The following SVIL variants were observed in gnomAD, a reference collection of about 807,000 sequenced individuals.
The protein encoded by SVIL is supervillin, also known as archvillin.
SVIL carries 101 observed loss-of-function variants against 240.4 expected under a neutral mutation model. The ratio of observed to expected loss-of-function variants is 0.42; its 90% confidence interval spans 0.36 to 0.50. The LOEUF is 0.50. SVIL is among the 20% of genes least tolerant of loss of function. SVIL has a pLI of 0.01. For missense variants in SVIL, 2,512 were observed against 2,818.7 expected, an observed-to-expected ratio of 0.89 and a Z score of 2.46; for synonymous variants, 999 against 1,100.0, an observed-to-expected ratio of 0.91 and a Z score of 1.82.
chr10:29,730,926 T>C (rs1032925791), intron 1 of SVIL, among the ~76,000 whole-genome samples: 7 of 152,184 alleles, frequency 4.6e-5, no homozygotes, highest in African/African-American at 1.2e-4. Context: ...GGCAAGATGT[T>C]TTGGGGTGCT....
Position 29,458,066 on chromosome 10 carries a change from C to T in SVIL, c.*181G>A, listed in dbSNP as rs1943759865. ...GGTGGAAAGAAGTTTCCAAACAGTT[C>T]CCTTGAACATTTACAAAATACACAA... On this transcript the variant is annotated 3_prime_UTR_variant, in exon 38 of 38. Coordinates refer to ENST00000355867, the MANE Select transcript of SVIL (RefSeq NM_021738.3). 1 of 618,098 alleles carries T rather than the reference C, an allele frequency of 1.6e-6. No individual in the cohort carries two copies. Among genetic ancestry groups the T allele is most frequent in the African/African-American group, 1.9e-5 (1 of 53,528 alleles). The allele number at this position is 618,098 out of a possible 1,614,324, so 38.3% of individuals were successfully genotyped here.
intron 17 of SVIL, among the ~76,000 whole-genome samples, chr10:29,505,590 G>T (rs1394253059): frequency 1.3e-5 from 2 of 152,150 alleles, no homozygotes; most frequent in Non-Finnish European, 2.9e-5. Context: ...GTATGATAGT[G>T]TAACGGTGGA....
At chr10:29,608,316 G>A (rs1247424) in intron 1 of SVIL, among the ~76,000 whole-genome samples, 63,670 of 152,158 alleles carry the variant, frequency 0.42, 13,487 homozygotes, top group African/African-American at 0.46. Flanking sequence ...AACTGTTGAC[G>A]GCAGCAGTGG....
At chr10:29,506,071 A>G (rs1265770749) in intron 17 of SVIL, among the ~76,000 whole-genome samples, 1 of 152,148 alleles carries the variant, frequency 6.6e-6, no homozygotes, top group South Asian at 2.1e-4. Context: ...TTGGTTTTTA[A>G]TTTTTTAACT....
rs200819225 is a variant in SVIL, at chr10:29,522,452, C to T, written c.3347G>A (p.Gly1116Asp). ...GGTTTTGCTGGGTGAGTCAAGAAGGCCCTCCCCTGTCGGCGTTTTGATCTC... is the reference window on the plus strand; with the variant it reads ...GGTTTTGCTGGGTGAGTCAAGAAGGTCCTCCCCTGTCGGCGTTTTGATCTC... ...AGEIKTPTGE[G>D]LLDSPSKTMS... Residue 1116 changes from glycine to aspartate, a missense_variant, in exon 16 of 38, where the codon GGC (glycine) becomes GAC (aspartate). Transcript: ENST00000355867. 3.3e-5 allele frequency: 54 copies of T among 1,614,030 alleles called. No homozygotes were observed. The highest frequency in any genetic ancestry group is 3.3e-4 in the Middle Eastern group (2 of 6,084).
At chr10:29,646,934 C>T (rs1473691225) in intron 3 of SVIL, among the ~76,000 whole-genome samples, 6 of 152,124 alleles carry the variant, frequency 3.9e-5, no homozygotes, top group Non-Finnish European at 8.8e-5. Context: ...AGCAAGATTG[C>T]GTCTTAAAAA....
chr10:29,497,618 A>C (rs1177554294), intron 18 of SVIL, among the ~76,000 whole-genome samples: 1 of 152,216 alleles, frequency 6.6e-6, no homozygotes, highest in Non-Finnish European at 1.5e-5. Context: ...GACATATTTT[A>C]GACATCTATT....
intron 16 of SVIL, among the ~76,000 whole-genome samples, chr10:29,516,446 C>T (rs555211214): frequency 3.4e-4 from 52 of 152,316 alleles, no homozygotes; most frequent in Middle Eastern, 3.4e-3. Flanking sequence ...GTGTCCACCA[C>T]GCTGAGGAGG....
intron 18 of SVIL, among the ~76,000 whole-genome samples, chr10:29,497,446 G>C (rs1214668159): frequency 3.9e-5 from 6 of 152,158 alleles, no homozygotes; most frequent in Admixed American, 6.5e-5. Context: ...ATGAAATAAA[G>C]CCCCAAACAC....
rs577706497 is a variant in SVIL, at chr10:29,476,905, C to T, written c.5378-2916G>A. 4.6e-5 allele frequency among the ~76,000 whole-genome samples: 7 copies of T among 152,180 alleles called. No homozygotes were observed. In the East Asian group the frequency reaches 7.7e-4, roughly 17 times the overall value. Reference sequence around the variant, plus strand: ...TGAGACAGGGTCTCACCCTGTTGCCCGGGCTGGAGTGCAGTGACATGATCT... The same window carrying T: ...TGAGACAGGGTCTCACCCTGTTGCCTGGGCTGGAGTGCAGTGACATGATCT... On this transcript the variant is annotated intron_variant, in intron 29 of 37. Transcript: ENST00000355867.
intron 1 of SVIL, among the ~76,000 whole-genome samples, chr10:29,618,096 G>A (rs903715160): frequency 6.6e-6 from 1 of 152,208 alleles, no homozygotes; most frequent in African/African-American, 2.4e-5. Flanking sequence ...GGAGCTTGCT[G>A]ACGCAGGCAG....
chr10:29,505,432 G>T (rs1032870764), intron 17 of SVIL, among the ~76,000 whole-genome samples: 10 of 152,094 alleles, frequency 6.6e-5, no homozygotes, highest in African/African-American at 2.4e-4. Flanking sequence ...AATCTGAAAA[G>T]GCTACATACT....
At chr10:29,521,843 C>T (rs1950579697) in intron 16 of SVIL, among the ~76,000 whole-genome samples, 2 of 152,200 alleles carry the variant, frequency 1.3e-5, no homozygotes, top group Non-Finnish European at 2.9e-5. Context: ...TGCTGAAATG[C>T]AATCTTTCAA....
At chr10:29,728,616 A>C (rs913530359) in intron 1 of SVIL, among the ~76,000 whole-genome samples, 3 of 152,160 alleles carry the variant, frequency 2.0e-5, no homozygotes, top group African/African-American at 7.2e-5. Flanking sequence ...AAGGGGGAGG[A>C]AGGAAAGGAA....
chr10:29,650,716 C>T (rs1958807632), intron 3 of SVIL, among the ~76,000 whole-genome samples: 1 of 152,082 alleles, frequency 6.6e-6, no homozygotes, highest in Non-Finnish European at 1.5e-5. Flanking sequence ...TTGGGAGGCC[C>T]AAGCTGGGAG....
chr10:29,679,208 C>CA lies in SVIL; in HGVS notation c.-301+7344dup, dbSNP rs1181989733. ...CAACAGAGAGAGACTCCGTCACAAA[C>CA]AAACAAACAAACAAAACAAAAAAAC... On this transcript the variant is annotated intron_variant, in intron 2 of 35. Coordinates refer to the SVIL transcript ENST00000375400. 2.0e-5 allele frequency among the ~76,000 whole-genome samples: 3 copies of CA among 152,078 alleles called. No homozygotes were observed. The East Asian group carries it at 5.8e-4, about 29-fold the overall frequency.
At chr10:29,706,633 C>T (rs1962909149) in intron 1 of SVIL, among the ~76,000 whole-genome samples, 2 of 152,228 alleles carry the variant, frequency 1.3e-5, no homozygotes, top group East Asian at 1.9e-4. Context: ...GTTTCTTTTG[C>T]TGTGCAGAAG....
chr10:29,555,161 A>G (rs917274573), intron 3 of SVIL, 53 bp from the exon 4 acceptor site: 6 of 1,487,672 alleles, frequency 4.0e-6, no homozygotes, highest in Non-Finnish European at 5.4e-6. Flanking sequence ...TCGTGCGCTC[A>G]TTTTATTCAC....
At chr10:29,660,014 A>G (rs1959110148) in intron 2 of SVIL, among the ~76,000 whole-genome samples, 1 of 152,164 alleles carries the variant, frequency 6.6e-6, no homozygotes, top group South Asian at 2.1e-4. Context: ...AAGAAAAAGA[A>G]AACTACTCAA....
Sources: gnomAD v4.1 joint callset for allele counts (sites outside exome capture counted in the v4.1 genomes callset) on GRCh38, gnomAD v4.1.1 for gene constraint, MANE v1.5 for transcripts, NCBI Gene and HGNC (gene_info 2026-07-23, HGNC 2026-07-21) for gene names.